The following CDK5RAP2 variants were observed in gnomAD, a reference collection of about 807,000 sequenced individuals.
CDK5RAP2 encodes the protein CDK5 regulatory subunit-associated protein 2.
In CDK5RAP2, 147 loss-of-function variants were observed where a neutral mutation model predicts 232.9. The ratio of observed to expected loss-of-function variants is 0.63; its 90% CI spans 0.55 to 0.72. CDK5RAP2 has a LOEUF of 0.72. Ranked by LOEUF, CDK5RAP2 falls within the 30% of genes least tolerant of loss-of-function variation. CDK5RAP2 has a pLI of 0.00. For synonymous variants in CDK5RAP2, 833 were observed against 833.7 expected, an observed-to-expected ratio of 1.00 and a Z score of 0.01; for missense variants, 2,195 against 2,231.5, an observed-to-expected ratio of 0.98 and a Z score of 0.33.
Position 120,550,814 on chromosome 9 carries a change from G to T in CDK5RAP2, c.284C>A (p.Pro95His), listed in dbSNP as rs569172233. ...CACAGTTTTGTAGATATGTTCAGTG[G>T]GGCCATGAAATTCCTGTTGCATTCT... ...EERMQQEFHG[P>H]TEHIYKTNIE... The change falls in exon 4 of 38, where the codon CCC (proline) becomes CAC (histidine). Residue 95 changes from proline to histidine, a missense_variant. Pro to His is a moderately conservative substitution (Grantham distance 77). Transcript: ENST00000349780. 6.2e-6 allele frequency: 10 copies of T among 1,608,378 alleles called. No individual in the cohort carries two copies. In the African/African-American group the frequency reaches 1.2e-4, roughly 19 times the overall value.
At position 120,541,029 on chromosome 9, in the gene CDK5RAP2, T is replaced by C. The variant is rs569319896; in HGVS notation, c.384-1865A>G. On this transcript the variant is annotated intron_variant, in intron 5 of 37. Coordinates refer to ENST00000349780, the MANE Select transcript of CDK5RAP2 (RefSeq NM_018249.6). ...TTGAATTCACAGTGATTCACAATCA[T>C]TTCTATCACTCCTTGAGGAGCATTA... 3.9e-5 allele frequency among the ~76,000 whole-genome samples: 6 copies of C among 152,354 alleles called. No individual in the cohort carries two copies. In the South Asian group the frequency reaches 1.0e-3, roughly 26 times the overall value.
intron 32 of CDK5RAP2, 74 bp downstream of exon 32, chr9:120,406,938 T>C (rs1044920475): frequency 3.6e-5 from 41 of 1,125,326 alleles, no homozygotes; most frequent in Admixed American, 8.7e-5. Flanking sequence ...AAAGGCATCA[T>C]TCAGAAGTTC....
chr9:120,530,064 T>C lies in CDK5RAP2; in HGVS notation c.739A>G (p.Met247Val), dbSNP rs748293827. The C allele has an allele frequency of 6.2e-7, 1 of 1,613,784 alleles. No individual in the cohort carries two copies. The highest frequency in any genetic ancestry group is 8.5e-7 in the Non-Finnish European group (1 of 1,179,666). ...IQCLKEEKSQ[M>V]ACPDENVSSG... ...GACACATTCTCATCAGGACATGCCATCTGAGATTTCTCCTCTTTAAGGCAC... is the reference window on the plus strand; with the variant it reads ...GACACATTCTCATCAGGACATGCCACCTGAGATTTCTCCTCTTTAAGGCAC... Residue 247 changes from methionine (M) to valine (V), a missense_variant, in exon 8 of 38, where the codon ATG becomes GTG. Met to Val is a conservative substitution (Grantham distance 21). Coordinates refer to ENST00000349780, the MANE Select transcript of CDK5RAP2 (RefSeq NM_018249.6).
At chr9:120,447,196 A>G (rs973857231) in intron 22 of CDK5RAP2, among the ~76,000 whole-genome samples, 2 of 152,314 alleles carry the variant, frequency 1.3e-5, no homozygotes, top group Middle Eastern at 3.4e-3. Context: ...GTGGATCATG[A>G]GCCCTGAGAA....
At chr9:120,405,641 G>A (rs1285271985) in intron 32 of CDK5RAP2, among the ~76,000 whole-genome samples, 1 of 152,240 alleles carries the variant, frequency 6.6e-6, no homozygotes, top group African/African-American at 2.4e-5. Context: ...CTGATGTACA[G>A]ACTATTTAGA....
At chr9:120,579,124 C>G (rs1204399484) in intron 1 of CDK5RAP2, among the ~76,000 whole-genome samples, 1 of 152,334 alleles carries the variant, frequency 6.6e-6, no homozygotes, top group South Asian at 2.1e-4. Context: ...GCAATGGGGA[C>G]TCCCACAGTC....
intron 26 of CDK5RAP2, among the ~76,000 whole-genome samples, chr9:120,421,973 T>C (rs184454416): frequency 6.6e-4 from 101 of 152,334 alleles, no homozygotes; most frequent in African/African-American, 2.4e-3. Flanking sequence ...AACTAGTAAA[T>C]GTGAAATGCC....
rs926073787 is a variant in CDK5RAP2, at chr9:120,436,767, A to C, written c.3955+528T>G. Among the ~76,000 whole-genome samples, 4 of 151,646 alleles carry C rather than the reference A, an allele frequency of 2.6e-5. No homozygotes were observed. The East Asian group carries it at 7.7e-4, about 29-fold the overall frequency. ...AATGGGAGTTCTTTGCTGTAGTCTC[A>C]AAAAAAAATTATTTTAAAAATTTTA... is the stretch of plus-strand genomic sequence containing the variant. On this transcript the variant is annotated intron_variant, in intron 25 of 37. Coordinates refer to ENST00000349780, the MANE Select transcript of CDK5RAP2 (RefSeq NM_018249.6).
intron 17 of CDK5RAP2, 39 bp from the exon 18 acceptor site, chr9:120,468,036 A>G (rs1430414655): frequency 1.2e-6 from 2 of 1,611,866 alleles, no homozygotes; most frequent in Non-Finnish European, 1.7e-6. Context: ...TCTACCCAGC[A>G]AGAGACTTCA....
chr9:120,444,363 G>T (rs1460776029), intron 22 of CDK5RAP2, among the ~76,000 whole-genome samples: 4 of 152,200 alleles, frequency 2.6e-5, no homozygotes, highest in Non-Finnish European at 4.4e-5. Context: ...CTCCATGAAG[G>T]TCCCCACAAC....
At chr9:120,449,004 T>C (rs2036347348) in intron 21 of CDK5RAP2, among the ~76,000 whole-genome samples, 1 of 152,052 alleles carries the variant, frequency 6.6e-6, no homozygotes, top group Non-Finnish European at 1.5e-5. Flanking sequence ...CTACTACTCC[T>C]CTCTTCTGCC....
chr9:120,448,275 CAGCCAAGG>C, intron 21 of CDK5RAP2, 149 bp from the exon 22 acceptor site: 1 of 697,988 alleles, frequency 1.4e-6, no homozygotes, highest in Non-Finnish European at 2.5e-6. Flanking sequence ...GCTTATCCAC[CAGCCAAGG>C]AGCTTGTATC....
At chr9:120,540,969 C>G (rs2041607779) in intron 5 of CDK5RAP2, among the ~76,000 whole-genome samples, 1 of 152,232 alleles carries the variant, frequency 6.6e-6, no homozygotes, top group Non-Finnish European at 1.5e-5. Context: ...ATGCCATCAC[C>G]CCCCACTCCC....
In CDK5RAP2 at chr9:120,453,661, A is replaced by T; in HGVS notation, c.2588T>A (p.Val863Glu). 1 of 1,614,204 alleles carries T rather than the reference A, an allele frequency of 6.2e-7. No homozygotes were observed. The stretch of plus-strand genomic sequence containing the variant: ...GGCATCTTTCAGTCCTACCTTGGGC[A>T]CTTCGCCTGCCTTTACTAGCTGGGC... ...CEAQLVKAGE[V>E]PKVGLKDASV... is the part of the protein sequence containing the mutation. The change falls in exon 21 of 38, where the codon GTG becomes GAG. Residue 863 changes from valine to glutamate, a missense_variant. Transcript: ENST00000349780.
rs373539526 is a variant in CDK5RAP2, at chr9:120,389,801, A to G, written c.5579-14T>C. ...GGGTTACGACCACTGAGGAGAGAGC[A>G]AAGAATGCAATGATTAGGGCCATGG... On this transcript the variant is annotated splice_polypyrimidine_tract_variant and intron_variant, in intron 36 of 37. Transcript: ENST00000349780. 8 of 1,613,498 alleles carry G rather than the reference A, an allele frequency of 5.0e-6. No individual in the cohort carries two copies. In the African/African-American group the frequency reaches 8.0e-5, roughly 16 times the overall value.
chr9:120,518,210 T>A (rs12236148), intron 12 of CDK5RAP2, among the ~76,000 whole-genome samples: 3,452 of 43,772 alleles, frequency 0.079, 18 homozygotes, highest in Non-Finnish European at 0.1. Context: ...TGTGTGTGTG[T>A]GAGAGAGAGA....
At chr9:120,548,046 T>C (rs2041913748) in intron 4 of CDK5RAP2, among the ~76,000 whole-genome samples, 1 of 152,214 alleles carries the variant, frequency 6.6e-6, no homozygotes, top group Admixed American at 6.5e-5. Context: ...CCTTAAGGAC[T>C]ATAATGAGCT....
chr9:120,473,927 T>C (rs951427481), intron 15 of CDK5RAP2, among the ~76,000 whole-genome samples: 7 of 152,186 alleles, frequency 4.6e-5, no homozygotes, highest in Non-Finnish European at 7.3e-5. Context: ...CTTTTCAAGG[T>C]GTGAGGAGTT....
At chr9:120,436,232 T>C (rs923032638) in intron 25 of CDK5RAP2, among the ~76,000 whole-genome samples, 2 of 152,150 alleles carry the variant, frequency 1.3e-5, no homozygotes, top group Non-Finnish European at 1.5e-5. Flanking sequence ...GCCAATCTAA[T>C]CTAACCAATT....
Sources: allele counts gnomAD v4.1 joint callset (sites outside exome capture counted in the v4.1 genomes callset), GRCh38; gene constraint gnomAD v4.1.1; transcripts MANE v1.5; gene names NCBI Gene and HGNC (gene_info 2026-07-23, HGNC 2026-07-21).